Variants in IGF2BP3 observed in about 807,000 individuals in gnomAD.
IGF2BP3 encodes the protein insulin like growth factor 2 mRNA binding protein 3.
Under a neutral mutation model 73.8 loss-of-function variants are expected in IGF2BP3, and 9 were observed. The ratio of observed to expected loss-of-function variants is 0.12; its 90% CI spans 0.07 to 0.21. IGF2BP3 has a LOEUF of 0.21. Ranked by LOEUF, IGF2BP3 falls within the 10% of genes least tolerant of loss-of-function variation. The pLI is 1.00. For missense variants in IGF2BP3, 542 were observed against 714.0 expected (o/e 0.76, Z 2.75); for synonymous variants, 258 against 256.7 (o/e 1.01, Z -0.05).
rs532314408 is a variant in IGF2BP3, at chr7:23,347,473, C to T, written c.818+127G>A. On this transcript the variant is annotated intron_variant, in intron 7 of 14. Transcript: ENST00000258729. ...TTCACAACCAGATCAACAGTGCCAA[C>T]CACTGTAGCTCATCAGGATATCATT... 50 of 928,598 alleles carry T rather than the reference C, an allele frequency of 5.4e-5. 1 individual carries two copies. The highest frequency in any genetic ancestry group is 5.3e-4 in the African/African-American group (32 of 60,406). 57.5% of individuals were successfully genotyped at this position (928,598 alleles called of 1,614,324 possible).
intron 5 of IGF2BP3, among the ~76,000 whole-genome samples, chr7:23,355,151 C>T (rs963175918): frequency 3.9e-5 from 6 of 151,966 alleles, no homozygotes; most frequent in African/African-American, 1.5e-4. Context: ...CATATGTATT[C>T]AGTTAAACAG....
At chr7:23,410,303 G>C (rs532578814) in intron 3 of IGF2BP3, among the ~76,000 whole-genome samples, 1 of 152,160 alleles carries the variant, frequency 6.6e-6, no homozygotes, top group Non-Finnish European at 1.5e-5. Context: ...GCTGCAGTGA[G>C]CTGTGATTGT....
At chr7:23,387,850 CTAA>C (rs1490078212) in intron 3 of IGF2BP3, among the ~76,000 whole-genome samples, 1 of 152,146 alleles carries the variant, frequency 6.6e-6, no homozygotes, top group African/African-American at 2.4e-5. Context: ...TTTAGAATGG[CTAA>C]TATTAAACCA....
At chr7:23,369,317 C>T (rs1329919677) in intron 3 of IGF2BP3, among the ~76,000 whole-genome samples, 1 of 152,148 alleles carries the variant, frequency 6.6e-6, no homozygotes, top group Admixed American at 6.5e-5. Context: ...GCCCTGGTGT[C>T]ACCTCCTGGT....
intron 2 of IGF2BP3, among the ~76,000 whole-genome samples, chr7:23,457,444 G>A (rs965532712): frequency 2.6e-5 from 4 of 151,814 alleles, no homozygotes; most frequent in Admixed American, 6.6e-5. Context: ...CAGCCTGGGC[G>A]AGACCAAGAC....
intron 10 of IGF2BP3, among the ~76,000 whole-genome samples, chr7:23,320,947 C>CAAAAAAAAAAAA (rs70966008): frequency 2.1e-5 from 2 of 96,530 alleles, no homozygotes; most frequent in Non-Finnish European, 3.9e-5. Flanking sequence ...AACTCTGTCT[C>CAAAAAAAAAAAA]AAAAAAAAAA....
chr7:23,385,504 C>A (rs541785000), intron 3 of IGF2BP3, among the ~76,000 whole-genome samples: 2 of 151,946 alleles, frequency 1.3e-5, no homozygotes, highest in African/African-American at 2.4e-5. Flanking sequence ...ATCTAACCAC[C>A]GATTCACAAG....
chr7:23,311,459 C>G lies in IGF2BP3; in HGVS notation c.*903G>C, dbSNP rs916193056. The G allele has an allele frequency of 6.6e-6, 1 of 152,604 alleles. No homozygotes were observed. The highest frequency in any genetic ancestry group is 1.5e-5 in the Non-Finnish European group (1 of 68,042). 9.5% of individuals were successfully genotyped at this position (152,604 alleles called of 1,614,324 possible). On this transcript the variant is annotated 3_prime_UTR_variant, in exon 15 of 15. Coordinates refer to ENST00000258729, the MANE Select transcript of IGF2BP3 (RefSeq NM_006547.3). ...CCATTTAAACCAGCCGTTCCAAAAT[C>G]TCCTGCGACCACTTTGTTAGTACCG...
chr7:23,340,774 G>A (rs756489577), intron 10 of IGF2BP3, among the ~76,000 whole-genome samples: 13 of 151,824 alleles, frequency 8.6e-5, no homozygotes, highest in Non-Finnish European at 1.9e-4. Context: ...ACCATCACTA[G>A]TCTCCTATTT....
chr7:23,341,151 A>G, intron 10 of IGF2BP3, among the ~76,000 whole-genome samples: 1 of 152,088 alleles, frequency 6.6e-6, no homozygotes, highest in African/African-American at 2.4e-5. Flanking sequence ...CACTTGGCCT[A>G]AGATTTATTT....
At chr7:23,399,001 T>C (rs1786571020) in intron 3 of IGF2BP3, among the ~76,000 whole-genome samples, 1 of 152,226 alleles carries the variant, frequency 6.6e-6, no homozygotes, top group Admixed American at 6.5e-5. Context: ...ATGTCCTGAA[T>C]GGTATTGCCT....
intron 10 of IGF2BP3, among the ~76,000 whole-genome samples, chr7:23,326,277 A>G (rs971697264): frequency 2.6e-5 from 4 of 152,226 alleles, no homozygotes; most frequent in African/African-American, 9.6e-5. Context: ...GACACTTCTC[A>G]AAAGAAGACA....
At chr7:23,378,539 T>A (rs1785800606) in intron 3 of IGF2BP3, among the ~76,000 whole-genome samples, 1 of 145,972 alleles carries the variant, frequency 6.9e-6, no homozygotes, top group Admixed American at 6.9e-5. Flanking sequence ...ATTATGGGCG[T>A]GCACCACCAT....
rs772067251 is a variant in IGF2BP3, at chr7:23,319,252, T to C, written c.1206A>G (p.Gln402=). Residue 402 remains glutamine, a splice_region_variant and synonymous_variant, in exon 11 of 15, where the codon CAA becomes CAG. Coordinates refer to ENST00000258729, the MANE Select transcript of IGF2BP3 (RefSeq NM_006547.3). ...ACAGATGAACAGTCTCCGTTTCTGA[T>C]TGCTGTTAGAAAAGAAAGCCAGGAC... is the stretch of plus-strand genomic sequence containing the variant. ...AMTPPYPQFE[Q]SETETVHLFI... 21 of 1,599,450 alleles carry C rather than the reference T, an allele frequency of 1.3e-5. No individual in the cohort carries two copies. The highest frequency in any genetic ancestry group is 4.0e-5 in the African/African-American group (3 of 74,278).
chr7:23,374,951 C>T (rs1000259194), intron 3 of IGF2BP3, among the ~76,000 whole-genome samples: 4 of 152,100 alleles, frequency 2.6e-5, no homozygotes, highest in Non-Finnish European at 4.4e-5. Context: ...CCGGTCCCCC[C>T]GTTCAGGGTC....
chr7:23,382,224 C>CA (rs1421548962), intron 3 of IGF2BP3, among the ~76,000 whole-genome samples: 2 of 151,978 alleles, frequency 1.3e-5, no homozygotes, highest in Non-Finnish European at 2.9e-5. Context: ...CCTGCCTGGG[C>CA]AACAGAGATG....
intron 2 of IGF2BP3, among the ~76,000 whole-genome samples, chr7:23,438,275 G>A (rs1394752583): frequency 6.6e-6 from 1 of 152,116 alleles, no homozygotes; most frequent in African/African-American, 2.4e-5. Context: ...CACCATGCCT[G>A]GCTAATTTTT....
intron 1 of IGF2BP3, 116 bp from the exon 2 acceptor site, chr7:23,468,658 C>T: frequency 9.8e-7 from 1 of 1,018,288 alleles, no homozygotes. Context: ...GAAGGGCCCC[C>T]GAGGCCCGGA....
chr7:23,353,906 A>G (rs1466100638), intron 5 of IGF2BP3, among the ~76,000 whole-genome samples: 1 of 152,242 alleles, frequency 6.6e-6, no homozygotes. Context: ...GACAGCTGAT[A>G]TATTTTAATA....
Sources: gnomAD v4.1 joint callset for allele counts (sites outside exome capture counted in the v4.1 genomes callset) on GRCh38, gnomAD v4.1.1 for gene constraint, MANE v1.5 for transcripts, NCBI Gene and HGNC (gene_info 2026-07-23, HGNC 2026-07-21) for gene names.